Variants in ADGRB3 observed in about 807,000 individuals in gnomAD.
The protein encoded by ADGRB3 is adhesion G protein-coupled receptor B3, also known as brain-specific angiogenesis inhibitor 3.
Under a neutral mutation model 193.4 loss-of-function variants are expected in ADGRB3, and 37 were observed. The ratio of observed to expected loss-of-function variants is 0.19; its 90% CI spans 0.15 to 0.25. The LOEUF is 0.25. ADGRB3 is among the 10% of genes least tolerant of loss of function. The probability of loss-of-function intolerance (pLI) is 1.00; values close to 1 mark genes in which losing one functional copy is unlikely to be tolerated. For missense variants in ADGRB3, 1,637 were observed against 1,852.9 expected (o/e 0.88, Z 2.14); for synonymous variants, 690 against 644.2 (o/e 1.07, Z -1.08).
At chr6:69,028,398 A>T (rs562977817) in intron 13 of ADGRB3, among the ~76,000 whole-genome samples, 1 of 152,262 alleles carries the variant, frequency 6.6e-6, no homozygotes, top group African/African-American at 2.4e-5. Context: ...GAAGTTTCTT[A>T]TCTAAGTTGG....
chr6:69,209,078 G>A (rs947166483), intron 17 of ADGRB3, among the ~76,000 whole-genome samples: 1 of 152,170 alleles, frequency 6.6e-6, no homozygotes, highest in Non-Finnish European at 1.5e-5. Context: ...GCTCCAAACA[G>A]CATCCCTATC....
Position 68,990,785 on chromosome 6 carries a change from A to G in ADGRB3, c.1735-2983A>G, listed in dbSNP as rs181414418. Among the ~76,000 whole-genome samples, 3 of 152,316 alleles carry G rather than the reference A, an allele frequency of 2.0e-5. No individual in the cohort carries two copies. In the East Asian group the frequency reaches 5.8e-4, roughly 29 times the overall value. On this transcript the variant is annotated intron_variant, in intron 10 of 31. Coordinates refer to ENST00000370598, the MANE Select transcript of ADGRB3 (RefSeq NM_001704.3). Reference sequence around the variant, plus strand: ...TATGGGTTGCCAAAATAATAGAGAAAGGGCTGATTTGAGGCAGTCAGACAT... The same window carrying G: ...TATGGGTTGCCAAAATAATAGAGAAGGGGCTGATTTGAGGCAGTCAGACAT...
chr6:68,670,794 G>T (rs1045833965), intron 3 of ADGRB3, among the ~76,000 whole-genome samples: 1 of 151,958 alleles, frequency 6.6e-6, no homozygotes, highest in Non-Finnish European at 1.5e-5. Flanking sequence ...TTTCTGTAAA[G>T]AATGTCATTG....
chr6:69,301,316 G>A (rs1423358981), intron 20 of ADGRB3, among the ~76,000 whole-genome samples: 1 of 149,946 alleles, frequency 6.7e-6, no homozygotes, highest in African/African-American at 2.5e-5. Context: ...TAAGTATTCA[G>A]TATTAAATTC....
chr6:68,687,005 TTAAG>T (rs1764995197), intron 3 of ADGRB3, among the ~76,000 whole-genome samples: 1 of 152,108 alleles, frequency 6.6e-6, no homozygotes, highest in East Asian at 1.9e-4. Context: ...TTCAGTGACT[TTAAG>T]TAGTTTTGGG....
intron 30 of ADGRB3, among the ~76,000 whole-genome samples, chr6:69,374,559 C>T (rs189360060): frequency 6.6e-6 from 1 of 152,162 alleles, no homozygotes; most frequent in East Asian, 1.9e-4. Flanking sequence ...AATATTCTGC[C>T]AACTCATATA....
chr6:69,109,708 G>C (rs1463202062), intron 17 of ADGRB3, among the ~76,000 whole-genome samples: 1 of 152,150 alleles, frequency 6.6e-6, no homozygotes. Flanking sequence ...AGAGATGGCA[G>C]GTCAGTGACT....
At chr6:69,195,063 GAGA>G (rs1295550642) in intron 17 of ADGRB3, among the ~76,000 whole-genome samples, 10 of 152,262 alleles carry the variant, frequency 6.6e-5, no homozygotes, top group African/African-American at 2.2e-4. Flanking sequence ...GGTAGAAGTG[GAGA>G]AGAAGACACC....
chr6:69,087,594 A>T (rs975759180), intron 17 of ADGRB3, among the ~76,000 whole-genome samples: 4 of 152,168 alleles, frequency 2.6e-5, no homozygotes, highest in African/African-American at 9.7e-5. Flanking sequence ...TAGTCCCTTG[A>T]TCTTGGACTT....
At chr6:69,056,763 A>G (rs2150305333) in intron 15 of ADGRB3, among the ~76,000 whole-genome samples, 2 of 152,110 alleles carry the variant, frequency 1.3e-5, no homozygotes, top group Middle Eastern at 3.4e-3. Context: ...ATACATGAGG[A>G]TTTATTTCTG....
chr6:68,827,952 T>C (rs1178075087), intron 3 of ADGRB3, among the ~76,000 whole-genome samples: 1 of 152,142 alleles, frequency 6.6e-6, no homozygotes, highest in African/African-American at 2.4e-5. Flanking sequence ...TTCTCACAGA[T>C]CCAAGTTTCC....
At position 69,005,232 on chromosome 6, in the gene ADGRB3, C is replaced by A. The variant is rs118046011; in HGVS notation, c.1930-8806C>A. On this transcript the variant is annotated intron_variant, in intron 11 of 31. Transcript: ENST00000370598. Reference sequence around the variant, plus strand: ...GACTGTAGGCAATACTGAGCTCATGCCCCAAAGCACTAAAGATTGGATGAC... The same window carrying A: ...GACTGTAGGCAATACTGAGCTCATGACCCAAAGCACTAAAGATTGGATGAC... Among the ~76,000 whole-genome samples, 1,299 of 151,486 alleles carry A rather than the reference C, an allele frequency of 8.6e-3. 26 individuals carry two copies. Among genetic ancestry groups the A allele is most frequent in the Middle Eastern group, 0.031 (9 of 294 alleles).
In ADGRB3 at chr6:69,360,850, T is replaced by C. The variant is rs559598232; in HGVS notation, c.3596-19T>C. The C allele has an allele frequency of 4.5e-6, 7 of 1,553,532 alleles. No individual in the cohort carries two copies. The South Asian group carries it at 8.6e-5, about 19-fold the overall frequency. ...CACACATTAACTCTCTTTCTTCAAC[T>C]TTACATTCCTACTCACAGTTCTTCA... On this transcript the variant is annotated intron_variant, in intron 28 of 31. Transcript: ENST00000370598.
intron 20 of ADGRB3, 118 bp from the exon 21 acceptor site, chr6:69,324,754 G>A (rs1179760808): frequency 1.8e-6 from 2 of 1,129,420 alleles, no homozygotes; most frequent in East Asian, 2.5e-5. Context: ...TTGTCACTGA[G>A]GAGAAGTAGA....
intron 17 of ADGRB3, among the ~76,000 whole-genome samples, chr6:69,143,283 T>A (rs1358227036): frequency 1.3e-5 from 2 of 152,212 alleles, no homozygotes; most frequent in Non-Finnish European, 2.9e-5. Flanking sequence ...TTCTGGTTAT[T>A]GATCTCTTGT....
chr6:68,698,761 G>A lies in ADGRB3; in HGVS notation c.757+59329G>A, dbSNP rs1220754754. Among the ~76,000 whole-genome samples the A allele has an allele frequency of 2.0e-5, 3 of 152,030 alleles. No individual in the cohort carries two copies. The East Asian group carries it at 5.8e-4, about 29-fold the overall frequency. ...GAAAAGATATTTATTCCAGCCTGTG[G>A]ATTTGAGGAAGATCTGCTAAATAGA... On this transcript the variant is annotated intron_variant, in intron 3 of 31. Coordinates refer to ENST00000370598, the MANE Select transcript of ADGRB3 (RefSeq NM_001704.3).
At chr6:68,753,141 G>T (rs1390700880) in intron 3 of ADGRB3, among the ~76,000 whole-genome samples, 1 of 152,260 alleles carries the variant, frequency 6.6e-6, no homozygotes, top group East Asian at 1.9e-4. Flanking sequence ...GGATAGTGTG[G>T]TATAATACAC....
intron 17 of ADGRB3, among the ~76,000 whole-genome samples, chr6:69,151,167 C>G (rs1453284346): frequency 1.3e-5 from 2 of 152,174 alleles, no homozygotes; most frequent in African/African-American, 4.8e-5. Flanking sequence ...GCCCAGCACA[C>G]CACTAGGACT....
At chr6:69,366,537 A>G (rs1011090013) in intron 29 of ADGRB3, among the ~76,000 whole-genome samples, 1 of 152,136 alleles carries the variant, frequency 6.6e-6, no homozygotes, top group Admixed American at 6.6e-5. Flanking sequence ...AAATGCCTCT[A>G]TGCATACATT....
Sources: gnomAD v4.1 joint callset for allele counts (sites outside exome capture counted in the v4.1 genomes callset) on GRCh38, gnomAD v4.1.1 for gene constraint, MANE v1.5 for transcripts, NCBI Gene and HGNC (gene_info 2026-07-23, HGNC 2026-07-21) for gene names.